Variants in SGCZ observed in about 807,000 individuals in gnomAD.
SGCZ encodes sarcoglycan zeta, also known as zeta-sarcoglycan.
In SGCZ, 40 loss-of-function variants were observed where a neutral mutation model predicts 41.3. That is an observed-to-expected ratio of 0.97 (90% CI 0.75 to 1.26). SGCZ has a LOEUF of 1.26. Ranked by LOEUF, SGCZ falls within the 50% of genes most tolerant of loss-of-function variation. The pLI is 0.00. For synonymous variants in SGCZ, 206 were observed against 137.5 expected, an observed-to-expected ratio of 1.50 and a Z score of -3.49; for missense variants, 552 against 369.8, an observed-to-expected ratio of 1.49 and a Z score of -4.04.
intron 1 of SGCZ, among the ~76,000 whole-genome samples, chr8:14,956,513 A>G (rs1316085141): frequency 6.6e-6 from 1 of 152,150 alleles, no homozygotes; most frequent in Non-Finnish European, 1.5e-5. Context: ...TCAGACAAAT[A>G]AACAGGATAG....
chr8:14,355,790 T>C (rs949388016), intron 2 of SGCZ, among the ~76,000 whole-genome samples: 2 of 152,056 alleles, frequency 1.3e-5, no homozygotes, highest in African/African-American at 4.8e-5. Flanking sequence ...TCCAAGGAAA[T>C]AGGCATATTA....
intron 2 of SGCZ, among the ~76,000 whole-genome samples, chr8:14,416,871 A>G (rs2117293231): frequency 6.6e-6 from 1 of 152,030 alleles, no homozygotes; most frequent in African/African-American, 2.4e-5. Context: ...AAAAGTGCTT[A>G]CTAAATTCTG....
intron 1 of SGCZ, among the ~76,000 whole-genome samples, chr8:14,924,899 C>A (rs372450558): frequency 6.7e-6 from 1 of 149,858 alleles, no homozygotes; most frequent in East Asian, 2.0e-4. Context: ...ACTGTGTCAC[C>A]CAGGCTGGAG....
At chr8:14,108,560 G>A (rs1802279572) in intron 5 of SGCZ, among the ~76,000 whole-genome samples, 1 of 152,058 alleles carries the variant, frequency 6.6e-6, no homozygotes, top group Non-Finnish European at 1.5e-5. Flanking sequence ...CAGATCTCGT[G>A]AGACTTATTC....
intron 3 of SGCZ, among the ~76,000 whole-genome samples, chr8:14,251,372 A>C (rs1799279380): frequency 6.6e-6 from 1 of 152,250 alleles, no homozygotes; most frequent in Non-Finnish European, 1.5e-5. Flanking sequence ...TTCAAGAGAC[A>C]GACAGAAAAT....
intron 1 of SGCZ, among the ~76,000 whole-genome samples, chr8:14,620,947 C>A (rs898161568): frequency 6.6e-5 from 10 of 151,948 alleles, no homozygotes; most frequent in African/African-American, 2.4e-4. Flanking sequence ...GGGTATATAC[C>A]CAAAGGATTA....
chr8:14,239,918 A>C (rs1299527269), intron 3 of SGCZ, among the ~76,000 whole-genome samples: 4 of 147,640 alleles, frequency 2.7e-5, no homozygotes, highest in Admixed American at 6.8e-5. Flanking sequence ...AAAAAAAAAA[A>C]AAAAAAAAAA....
intron 1 of SGCZ, among the ~76,000 whole-genome samples, chr8:14,923,727 C>T (rs574079374): frequency 1.5e-4 from 23 of 152,164 alleles, no homozygotes; most frequent in African/African-American, 5.3e-4. Context: ...CATTCTTTGC[C>T]GTATGCTTAG....
chr8:14,823,189 G>T (rs1802173396), intron 1 of SGCZ, among the ~76,000 whole-genome samples: 2 of 150,184 alleles, frequency 1.3e-5, no homozygotes, highest in Admixed American at 1.3e-4. Context: ...TTTTAAATAA[G>T]ACTTCAAAAG....
chr8:14,773,940 G>C (rs1800323390), intron 1 of SGCZ, among the ~76,000 whole-genome samples: 1 of 152,114 alleles, frequency 6.6e-6, no homozygotes, highest in South Asian at 2.1e-4. Context: ...TTTTTATCTG[G>C]TCATAGAATA....
intron 2 of SGCZ, among the ~76,000 whole-genome samples, chr8:14,478,785 G>A (rs192934744): frequency 0.012 from 1,754 of 152,168 alleles, 26 homozygotes; most frequent in Non-Finnish European, 0.014. Flanking sequence ...CAGAGTAACA[G>A]TTCTTATTTA....
chr8:15,185,990 C>G (rs866889645), intron 1 of SGCZ, among the ~76,000 whole-genome samples: 4 of 149,986 alleles, frequency 2.7e-5, no homozygotes, highest in Admixed American at 6.7e-5. Context: ...TTTGGGAGGC[C>G]GAGGTGGGCA....
intron 2 of SGCZ, among the ~76,000 whole-genome samples, chr8:14,416,612 A>C (rs1485861986): frequency 1.3e-5 from 2 of 151,848 alleles, no homozygotes; most frequent in Non-Finnish European, 2.9e-5. Context: ...GTATTTGTCA[A>C]TACTGGTAAA....
intron 1 of SGCZ, among the ~76,000 whole-genome samples, chr8:14,806,337 G>A (rs1286910589): frequency 1.3e-5 from 2 of 149,830 alleles, no homozygotes; most frequent in East Asian, 3.9e-4. Context: ...CCACTAGCAA[G>A]ACTAATAAAG....
intron 1 of SGCZ, among the ~76,000 whole-genome samples, chr8:14,875,072 T>G (rs1804300087): frequency 6.6e-6 from 1 of 152,144 alleles, no homozygotes. Context: ...CCAGGTTATT[T>G]ATAAACAATG....
intron 2 of SGCZ, among the ~76,000 whole-genome samples, chr8:14,377,992 G>A (rs1025451709): frequency 6.0e-5 from 9 of 149,764 alleles, no homozygotes; most frequent in Middle Eastern, 6.8e-3. Flanking sequence ...ATAAACATAC[G>A]TGTGCATGTG....
chr8:14,262,718 A>G (rs968448921), intron 3 of SGCZ, among the ~76,000 whole-genome samples: 4 of 151,784 alleles, frequency 2.6e-5, no homozygotes, highest in Non-Finnish European at 5.9e-5. Flanking sequence ...AAAATCATCT[A>G]CCATCATCAA....
chr8:14,541,023 T>C lies in SGCZ; in HGVS notation c.234+13709A>G, dbSNP rs1317216900. On this transcript the variant is annotated intron_variant, in intron 2 of 7. Transcript: ENST00000382080. ...GTATATATAGAGATGAGAACATATA[T>C]ATGTATATATGTATATATAATACAT... Among the ~76,000 whole-genome samples, 4 of 151,062 alleles carry C rather than the reference T, an allele frequency of 2.6e-5. No individual in the cohort carries two copies. In the East Asian group the frequency reaches 7.8e-4, roughly 30 times the overall value.
intron 1 of SGCZ, among the ~76,000 whole-genome samples, chr8:15,233,329 C>CAAAAAAAA (rs967747755): frequency 2.0e-4 from 13 of 65,654 alleles, no homozygotes; most frequent in Non-Finnish European, 2.7e-4. Flanking sequence ...TTAAACAAAC[C>CAAAAAAAA]AAAAAAAAAA....
Sources: gnomAD v4.1 joint callset for allele counts (sites outside exome capture counted in the v4.1 genomes callset) on GRCh38, gnomAD v4.1.1 for gene constraint, MANE v1.5 for transcripts, NCBI Gene and HGNC (gene_info 2026-07-23, HGNC 2026-07-21) for gene names.